Variants in LEPR observed in about 807,000 individuals in gnomAD.
The protein encoded by LEPR is OB receptor.
A neutral mutation model predicts 114.7 loss-of-function variants in LEPR; 56 were observed. The ratio of observed to expected loss-of-function variants is 0.49; its 90% CI spans 0.39 to 0.61. LEPR has a LOEUF of 0.61. Ranked by LOEUF, LEPR falls within the 20% of genes least tolerant of loss-of-function variation. LEPR has a pLI of 0.00. For synonymous variants in LEPR, 443 were observed against 461.4 expected, an observed-to-expected ratio of 0.96 and a Z score of 0.51; for missense variants, 1,202 against 1,352.9, an observed-to-expected ratio of 0.89 and a Z score of 1.75.
chr1:65,497,819 C>T (rs978698812), intron 2 of LEPR, among the ~76,000 whole-genome samples: 3 of 152,158 alleles, frequency 2.0e-5, no homozygotes, highest in Admixed American at 2.0e-4. Flanking sequence ...TTTTGCATGG[C>T]AGGACTGGAA....
intron 2 of LEPR, among the ~76,000 whole-genome samples, chr1:65,476,124 A>C (rs1647156732): frequency 6.6e-6 from 1 of 150,540 alleles, no homozygotes; most frequent in Non-Finnish European, 1.5e-5. Flanking sequence ...ATTATAAATA[A>C]GTTACTAATT....
At chr1:65,558,206 G>A (rs1331889555) in intron 2 of LEPR, among the ~76,000 whole-genome samples, 1 of 152,102 alleles carries the variant, frequency 6.6e-6, no homozygotes, top group African/African-American at 2.4e-5. Flanking sequence ...GGAGGAATTT[G>A]TACTCATTTA....
chr1:65,504,932 C>T (rs1648646786), intron 2 of LEPR, among the ~76,000 whole-genome samples: 2 of 152,234 alleles, frequency 1.3e-5, no homozygotes, highest in South Asian at 4.1e-4. Flanking sequence ...TAAAAAATCT[C>T]ATTCCAAGTT....
intron 2 of LEPR, among the ~76,000 whole-genome samples, chr1:65,461,635 A>G (rs948769899): frequency 3.3e-5 from 5 of 152,220 alleles, no homozygotes; most frequent in African/African-American, 1.2e-4. Context: ...GAAGAATCCC[A>G]AAAAATTTAT....
intron 5 of LEPR, among the ~76,000 whole-genome samples, chr1:65,583,500 A>C (rs1365877215): frequency 1.3e-5 from 2 of 151,920 alleles, no homozygotes; most frequent in Non-Finnish European, 2.9e-5. Context: ...ACTCCAGAAG[A>C]GCTATACTTT....
rs1375787785 is a variant in LEPR at position 65,436,828 on chromosome 1, ATAATT to A, written c.-21+11451_-21+11455del. Among the ~76,000 whole-genome samples the A allele has an allele frequency of 3.3e-5, 5 of 152,232 alleles. No individual in the cohort carries two copies. The East Asian group carries it at 9.6e-4, about 29-fold the overall frequency. On this transcript the variant is annotated intron_variant, in intron 2 of 19. Transcript: ENST00000349533. ...GTGTGCATTCATTTTTCCCCTCAGA[ATAATT>A]AAATAATAAAACCATCAGTTCAACT...
chr1:65,616,452 A>T (rs6700421), intron 15 of LEPR, among the ~76,000 whole-genome samples: 1 of 151,996 alleles, frequency 6.6e-6, no homozygotes, highest in Non-Finnish European at 1.5e-5. Flanking sequence ...TAATGGTGTT[A>T]TAATATATGA....
At position 65,618,134 on chromosome 1, in the gene LEPR, T is replaced by C. The variant is rs1178171988; in HGVS notation, c.2383T>C (p.Tyr795His). Residue 795 changes from tyrosine (Y) to histidine (H), a missense_variant, in exon 16 of 20, where the codon TAT becomes CAT. Physicochemically the swap from Tyr to His is moderately conservative, Grantham distance 83. Transcript: ENST00000349533. ...TAGAATCTCTTCATCTGTTAAGAAGTATTATATCCATGGTAAGTTTACTAT... is the reference window on the plus strand; with the variant it reads ...TAGAATCTCTTCATCTGTTAAGAAGCATTATATCCATGGTAAGTTTACTAT... ...WLRISSSVKK[Y>H]YIHDHFIPIE... 15 of 1,606,386 alleles carry C rather than the reference T, an allele frequency of 9.3e-6. No individual in the cohort carries two copies. The highest frequency in any genetic ancestry group is 1.3e-5 in the Non-Finnish European group (15 of 1,176,216).
At position 65,592,672 on chromosome 1, in the gene LEPR, A is replaced by G. The variant is rs113213085; in HGVS notation, c.510A>G (p.Glu170=). ...HLLYVLPEVL[E]DSPLVPQKGS... ...TTCAATATAGGCCTGAAGTGTTAGA[A>G]GATTCACCTCTGGTTCCCCAAAAAG... is the stretch of plus-strand genomic sequence containing the variant. The change falls in exon 6 of 20, where the codon GAA becomes GAG. Residue 170 remains glutamate, a synonymous_variant. Coordinates refer to ENST00000349533, the MANE Select transcript of LEPR (RefSeq NM_002303.6). 1.2e-6 allele frequency: 2 copies of G among 1,613,150 alleles called. No homozygotes were observed. Among genetic ancestry groups the G allele is most frequent in the Admixed American group, 1.7e-5 (1 of 59,900 alleles).
intron 5 of LEPR, among the ~76,000 whole-genome samples, chr1:65,573,085 C>T (rs1293672063): frequency 6.6e-6 from 1 of 152,190 alleles, no homozygotes; most frequent in African/African-American, 2.4e-5. Context: ...GGTACAAGAG[C>T]GCCTGTACAA....
chr1:65,471,993 C>T (rs1201083133), intron 2 of LEPR, among the ~76,000 whole-genome samples: 1 of 152,136 alleles, frequency 6.6e-6, no homozygotes, highest in East Asian at 1.9e-4. Flanking sequence ...ATGCCCAAAA[C>T]ACTTCCCCAA....
chr1:65,448,550 T>C (rs1646741007), intron 2 of LEPR, among the ~76,000 whole-genome samples: 1 of 152,200 alleles, frequency 6.6e-6, no homozygotes, highest in Non-Finnish European at 1.5e-5. Flanking sequence ...AGTGGGGAAG[T>C]ATTCCCTCTG....
At chr1:65,448,495 C>G (rs764576427) in intron 2 of LEPR, among the ~76,000 whole-genome samples, 12 of 152,090 alleles carry the variant, frequency 7.9e-5, no homozygotes, top group Non-Finnish European at 1.5e-4. Context: ...TATGTAATGT[C>G]TTTGTCTGGT....
In LEPR at chr1:65,636,399, G is replaced by C. The variant is rs887157574; in HGVS notation, c.2882G>C (p.Ser961Thr). Residue 961 changes from serine to threonine, a missense_variant, in exon 20 of 20, where the codon AGT becomes ACT. Transcript: ENST00000349533. ...GTTTGTATTAGTGACCAGTTCAACAGTGTTAACTTCTCTGAGGCTGAGGGT... is the reference window on the plus strand; with the variant it reads ...GTTTGTATTAGTGACCAGTTCAACACTGTTAACTTCTCTGAGGCTGAGGGT... ...GSVCISDQFNSVNFSEAEGTE... is the reference protein window; with the variant it reads ...GSVCISDQFNTVNFSEAEGTE... 7.4e-6 allele frequency: 12 copies of C among 1,613,966 alleles called. No homozygotes were observed. Among genetic ancestry groups the C allele is most frequent in the African/African-American group, 2.7e-5 (2 of 74,916 alleles).
At chr1:65,541,233 C>T (rs1651172530) in intron 2 of LEPR, among the ~76,000 whole-genome samples, 1 of 152,154 alleles carries the variant, frequency 6.6e-6, no homozygotes, top group Non-Finnish European at 1.5e-5. Flanking sequence ...TTATTTTCTA[C>T]ATTTCTAGCA....
intron 5 of LEPR, among the ~76,000 whole-genome samples, chr1:65,589,401 A>G (rs1248009190): frequency 1.3e-5 from 2 of 152,020 alleles, no homozygotes; most frequent in South Asian, 4.1e-4. Context: ...GCTTCTCAGA[A>G]AACAACTTTT....
At position 65,565,561 on chromosome 1, in the gene LEPR, G is replaced by C. The variant is rs200249319; in HGVS notation, c.-5G>C. On this transcript the variant is annotated 5_prime_UTR_variant, in exon 3 of 20. Coordinates refer to ENST00000349533, the MANE Select transcript of LEPR (RefSeq NM_002303.6). ...CCTTTTCCAGGTGTACTTCTCTGAA[G>C]TAAGATGATTTGTCAAAAATTCTGT... 25 of 1,613,858 alleles carry C rather than the reference G, an allele frequency of 1.5e-5. No homozygotes were observed. The East Asian group carries it at 5.6e-4, about 36-fold the overall frequency.
chr1:65,601,365 C>T (rs1475722508), intron 8 of LEPR, 27 bp from the exon 9 acceptor site: 2 of 1,608,808 alleles, frequency 1.2e-6, no homozygotes, highest in South Asian at 1.1e-5. Context: ...TTGTCTTCAT[C>T]TGATATCCTT....
intron 5 of LEPR, 83 bp from the exon 6 acceptor site, chr1:65,592,574 A>G: frequency 1.4e-6 from 2 of 1,476,014 alleles, no homozygotes; most frequent in Non-Finnish European, 1.9e-6. Context: ...GTTTACTTCA[A>G]TTAGTATTTA....
Sources: allele counts gnomAD v4.1 joint callset (sites outside exome capture counted in the v4.1 genomes callset), GRCh38; gene constraint gnomAD v4.1.1; transcripts MANE v1.5; gene names NCBI Gene and HGNC (gene_info 2026-07-23, HGNC 2026-07-21).